NEO1: variants seen among roughly 807,000 people sequenced by gnomAD.
The protein encoded by NEO1 is neogenin.
Under a neutral mutation model 159.7 loss-of-function variants are expected in NEO1, and 63 were observed. That is an observed-to-expected ratio of 0.39 (90% CI 0.32 to 0.49). The LOEUF (loss-of-function observed/expected upper bound fraction) is 0.49. Among genes scored for constraint, NEO1 ranks in the 20% least tolerant of loss-of-function variants. The pLI is 0.85. For synonymous variants in NEO1, 633 were observed against 662.0 expected, an observed-to-expected ratio of 0.96 and a Z score of 0.67; for missense variants, 1,615 against 1,831.0, an observed-to-expected ratio of 0.88 and a Z score of 2.15.
At chr15:73,148,851 C>CTT (rs200712761) in intron 5 of NEO1, among the ~76,000 whole-genome samples, 2 of 147,176 alleles carry the variant, frequency 1.4e-5, no homozygotes, top group South Asian at 2.1e-4. Context: ...GGTTTTCAAA[C>CTT]TTGTTTTTTT....
intron 5 of NEO1, among the ~76,000 whole-genome samples, chr15:73,162,502 C>T (rs1488307422): frequency 3.9e-5 from 6 of 152,136 alleles, no homozygotes; most frequent in Non-Finnish European, 7.3e-5. Context: ...AAGCAATTCT[C>T]ATGCCTCAAC....
intron 1 of NEO1, among the ~76,000 whole-genome samples, chr15:73,105,527 A>G (rs1266660352): frequency 6.6e-6 from 1 of 152,210 alleles, no homozygotes; most frequent in East Asian, 1.9e-4. Flanking sequence ...TAATATACTC[A>G]GCATTTAAAG....
chr15:73,092,139 A>G (rs2069729466), intron 1 of NEO1, among the ~76,000 whole-genome samples: 1 of 152,188 alleles, frequency 6.6e-6, no homozygotes, highest in Admixed American at 6.5e-5. Context: ...CAGGGTTCAT[A>G]CAGAGAAGTC....
At position 73,135,973 on chromosome 15, in the gene NEO1, A is replaced by G; in HGVS notation, c.961A>G (p.Ile321Val). The change falls in exon 5 of 29, where the codon ATA becomes GTA. Residue 321 changes from isoleucine (I) to valine (V), a missense_variant. Ile to Val is a conservative substitution (Grantham distance 29). This residue lies in a region of NEO1 where 1,018 missense variants were observed against 1,115.4 expected (regional missense o/e 0.91). Coordinates refer to ENST00000261908, the MANE Select transcript of NEO1 (RefSeq NM_002499.4). ...TEDDAGTYFC[I>V]ADNGNETIEA... ...GGATGATGCTGGGACTTATTTTTGTATAGCTGATAATGGAAATGAGACAAT... is the reference window on the plus strand; with the variant it reads ...GGATGATGCTGGGACTTATTTTTGTGTAGCTGATAATGGAAATGAGACAAT... 2 of 1,608,962 alleles carry G rather than the reference A, an allele frequency of 1.2e-6. No homozygotes were observed. Among genetic ancestry groups the G allele is most frequent in the Non-Finnish European group, 1.7e-6 (2 of 1,178,886 alleles).
At chr15:73,138,653 G>A (rs556309442) in intron 5 of NEO1, among the ~76,000 whole-genome samples, 1 of 152,066 alleles carries the variant, frequency 6.6e-6, no homozygotes, top group South Asian at 2.1e-4. Context: ...CTACTTGGGA[G>A]GCTAAGGCAG....
At chr15:73,060,233 G>A (rs1192954578) in intron 1 of NEO1, among the ~76,000 whole-genome samples, 2 of 151,988 alleles carry the variant, frequency 1.3e-5, no homozygotes, top group Non-Finnish European at 2.9e-5. Context: ...TTTGAAGTTG[G>A]AGGTAGGATA....
chr15:73,127,368 A>T (rs1567258981), intron 4 of NEO1, among the ~76,000 whole-genome samples: 1 of 152,040 alleles, frequency 6.6e-6, no homozygotes, highest in Non-Finnish European at 1.5e-5. Context: ...TTACTTCCTT[A>T]TGCAGTGGGT....
At chr15:73,075,589 T>G (rs914022551) in intron 1 of NEO1, among the ~76,000 whole-genome samples, 1 of 152,106 alleles carries the variant, frequency 6.6e-6, no homozygotes, top group Non-Finnish European at 1.5e-5. Flanking sequence ...GAAGTACAAG[T>G]TGATGATTAT....
chr15:73,186,127 A>C (rs941884200), intron 7 of NEO1, among the ~76,000 whole-genome samples: 1 of 151,968 alleles, frequency 6.6e-6, no homozygotes, highest in African/African-American at 2.4e-5. Flanking sequence ...GACACATTAC[A>C]TACAGAGGAA....
At chr15:73,226,878 GA>G (rs1401240042) in intron 7 of NEO1, among the ~76,000 whole-genome samples, 1 of 152,096 alleles carries the variant, frequency 6.6e-6, no homozygotes, top group Non-Finnish European at 1.5e-5. Context: ...TATGAAAAAG[GA>G]ACAAAATTTG....
chr15:73,248,947 T>C (rs1393580962), intron 9 of NEO1, 113 bp from the exon 10 acceptor site: 3 of 980,958 alleles, frequency 3.1e-6, no homozygotes, highest in Middle Eastern at 2.2e-4. Context: ...TCCATTGTTT[T>C]CTTAGCTTCT....
At chr15:73,080,960 C>G (rs2069015878) in intron 1 of NEO1, among the ~76,000 whole-genome samples, 1 of 152,038 alleles carries the variant, frequency 6.6e-6, no homozygotes, top group East Asian at 1.9e-4. Flanking sequence ...TATATTTCAT[C>G]TTGATAATAA....
chr15:73,096,011 A>C (rs2070006845), intron 1 of NEO1, among the ~76,000 whole-genome samples: 1 of 152,154 alleles, frequency 6.6e-6, no homozygotes, highest in East Asian at 1.9e-4. Flanking sequence ...GAAGAGTGCT[A>C]AAATATTGAT....
Position 73,302,984 on chromosome 15 carries a change from G to C in NEO1, c.*288G>C. 2.8e-6 allele frequency: 1 copy of C among 353,388 alleles called. No individual in the cohort carries two copies. The highest frequency in any genetic ancestry group is 5.4e-6 in the Non-Finnish European group (1 of 186,762). The allele number at this position is 353,388 out of a possible 1,614,324, so 21.9% of individuals were successfully genotyped here. On this transcript the variant is annotated 3_prime_UTR_variant, in exon 29 of 29. Coordinates refer to ENST00000261908, the MANE Select transcript of NEO1 (RefSeq NM_002499.4). The stretch of plus-strand genomic sequence containing the variant: ...TGTGTCCAGGGAAGAGGCGAGAAGT[G>C]CAACCTGCATTTCACTTTGTGGTCA...
intron 18 of NEO1, among the ~76,000 whole-genome samples, chr15:73,270,971 T>C (rs2041139284): frequency 6.6e-6 from 1 of 152,240 alleles, no homozygotes; most frequent in Admixed American, 6.5e-5. Context: ...TGTTTGGTTT[T>C]TGCTGACTTT....
chr15:73,135,795 C>CT, intron 4 of NEO1, 96 bp from the exon 5 acceptor site: 1 of 1,106,194 alleles, frequency 9.0e-7, no homozygotes, highest in East Asian at 2.7e-5. Flanking sequence ...TAATAATACT[C>CT]TTTAAGTGTT....
At position 73,178,078 on chromosome 15, in the gene NEO1, G is replaced by A. The variant is rs368574795; in HGVS notation, c.1171-229G>A. On this transcript the variant is annotated intron_variant, in intron 6 of 28. Coordinates refer to ENST00000261908, the MANE Select transcript of NEO1 (RefSeq NM_002499.4). ...ACAGTGAGAGTATGACTTTCCATGCGTTAAGTTCTTCATCGTGAATGACAG... is the reference window on the plus strand; with the variant it reads ...ACAGTGAGAGTATGACTTTCCATGCATTAAGTTCTTCATCGTGAATGACAG... Among the ~76,000 whole-genome samples, 10 of 152,220 alleles carry A rather than the reference G, an allele frequency of 6.6e-5. No individual in the cohort carries two copies. In the South Asian group the frequency reaches 1.0e-3, roughly 16 times the overall value.
chr15:73,079,787 A>G (rs1215988028), intron 1 of NEO1, among the ~76,000 whole-genome samples: 1 of 152,212 alleles, frequency 6.6e-6, no homozygotes, highest in Non-Finnish European at 1.5e-5. Context: ...GGAAGTTATT[A>G]GGAAATGAGA....
Position 73,254,776 on chromosome 15 carries a change from G to C in NEO1, c.2039G>C (p.Ser680Thr). Residue 680 changes from serine to threonine, a missense_variant, in exon 13 of 29, where the codon AGT (serine) becomes ACT (threonine). Physicochemically the swap from Ser to Thr is moderately conservative, Grantham distance 58. This residue lies in a region of NEO1 where 1,018 missense variants were observed against 1,115.4 expected (regional missense o/e 0.91). Transcript: ENST00000261908. ...KIRYRKASRKSDVTETLVSGT... is the reference protein window; with the variant it reads ...KIRYRKASRKTDVTETLVSGT... ...CGCTACCGAAAGGCCTCCCGAAAGA[G>C]TGATGTCACTGAGACCTTGGTAAGC... 1 of 1,614,154 alleles carries C rather than the reference G, an allele frequency of 6.2e-7. No homozygotes were observed. The highest frequency in any genetic ancestry group is 8.5e-7 in the Non-Finnish European group (1 of 1,180,006).
Sources: gnomAD v4.1 joint callset for allele counts (sites outside exome capture counted in the v4.1 genomes callset) on GRCh38, gnomAD v4.1.1 for gene constraint, gnomAD v4.1.1 regional missense constraint, MANE v1.5 for transcripts, NCBI Gene and HGNC (gene_info 2026-07-23, HGNC 2026-07-21) for gene names.